The following STK25 variants were observed in gnomAD, a reference collection of about 807,000 sequenced individuals.
STK25 encodes the protein serine/threonine-protein kinase 25.
In STK25, 29 loss-of-function variants were observed where a neutral mutation model predicts 53.8. The ratio of observed to expected loss-of-function variants is 0.54; its 90% CI spans 0.40 to 0.74. The LOEUF (loss-of-function observed/expected upper bound fraction) is 0.74, where lower values mean the gene tolerates loss of function less well. Among genes scored for constraint, STK25 ranks in the 30% least tolerant of loss-of-function variants. STK25 has a pLI of 0.00. For missense variants in STK25, 420 were observed against 568.0 expected (o/e 0.74, Z 2.65); for synonymous variants, 247 against 238.3 (o/e 1.04, Z -0.33).
At position 241,494,393 on chromosome 2, in the gene STK25, C is replaced by A. The variant is rs1191183403; in HGVS notation, c.*1269G>T. On this transcript the variant is annotated 3_prime_UTR_variant, in exon 12 of 12. Coordinates refer to ENST00000316586, the MANE Select transcript of STK25 (RefSeq NM_001271977.2). The surrounding 1 kb of genome is among the most constrained non-coding windows in gnomAD (Gnocchi z 4.9). ...GCCGCTCAAGCCACAGCTCCCAGGCCCCTGGCTCAAAGACGCAGACAAGGC... is the reference window on the plus strand; with the variant it reads ...GCCGCTCAAGCCACAGCTCCCAGGCACCTGGCTCAAAGACGCAGACAAGGC... 1 of 289,094 alleles carries A rather than the reference C, an allele frequency of 3.5e-6. No homozygotes were observed. The highest frequency in any genetic ancestry group is 5.6e-5 in the East Asian group (1 of 17,772). The allele number at this position is 289,094 out of a possible 1,614,324, so 17.9% of individuals were successfully genotyped here.
At chr2:241,500,616 G>C in intron 4 of STK25, 124 bp downstream of exon 4, 1 of 1,046,274 alleles carries the variant, frequency 9.6e-7, no homozygotes, top group Non-Finnish European at 1.4e-6. Flanking sequence ...TGCTTTAGAC[G>C]ATTCCTAATT....
At chr2:241,507,419 G>A (rs1203294894) in intron 2 of STK25, among the ~76,000 whole-genome samples, 3 of 152,210 alleles carry the variant, frequency 2.0e-5, no homozygotes, top group African/African-American at 2.4e-5. Flanking sequence ...TCTCATGTTC[G>A]GGCAACCGCC....
rs370116221 is a variant in STK25, at chr2:241,499,142, G to A, written c.618C>T (p.Ile206=). The A allele has an allele frequency of 5.0e-6, 8 of 1,613,702 alleles. No individual in the cohort carries two copies. The highest frequency in any genetic ancestry group is 4.5e-5 in the East Asian group (2 of 44,844). The change falls in exon 7 of 12, where the codon ATC becomes ATT. Residue 206 remains isoleucine (I), a synonymous_variant. Coordinates refer to ENST00000316586, the MANE Select transcript of STK25 (RefSeq NM_001271977.2). ...TTGGAGGCTCCCCCTTGGCCAGCTC[G>A]ATGGCTGTGATCCCCAGGGACCAGA... is the stretch of plus-strand genomic sequence containing the variant. ...ADIWSLGITA[I]ELAKGEPPNS... is the part of the protein sequence containing the mutation.
At chr2:241,503,046 G>A (rs919985011) in intron 2 of STK25, among the ~76,000 whole-genome samples, 1 of 152,154 alleles carries the variant, frequency 6.6e-6, no homozygotes, top group African/African-American at 2.4e-5. Flanking sequence ...CAGCAGAGGT[G>A]TGTCCTCAAG....
rs35382054 is a variant in STK25 at position 241,494,921 on chromosome 2, G to A, written c.*741C>T. 1 of 152,084 alleles carries A rather than the reference G, an allele frequency of 6.6e-6. No homozygotes were observed. Among genetic ancestry groups the A allele is most frequent in the African/African-American group, 2.4e-5 (1 of 41,390 alleles). 9.4% of individuals were successfully genotyped at this position (152,084 alleles called of 1,614,324 possible). Reference sequence around the variant, plus strand: ...AATCCGTCACAGGGAAGTTTCGAAGGGGGGCTGGGCTGCCGTCTCTGCGTG... The same window carrying A: ...AATCCGTCACAGGGAAGTTTCGAAGAGGGGCTGGGCTGCCGTCTCTGCGTG... On this transcript the variant is annotated 3_prime_UTR_variant, in exon 12 of 12. Coordinates refer to ENST00000316586, the MANE Select transcript of STK25 (RefSeq NM_001271977.2). The surrounding 1 kb of genome is among the most constrained non-coding windows in gnomAD (Gnocchi z 4.9).
At chr2:241,503,696 CAAAAAAAAAAAAA>C (rs60021706) in intron 2 of STK25, among the ~76,000 whole-genome samples, 1 of 100,280 alleles carries the variant, frequency 1.0e-5, no homozygotes, top group Admixed American at 8.5e-5. Flanking sequence ...GACTCCGTCT[CAAAAAAAAAAAAA>C]AAAAAAAAGG....
In STK25 at chr2:241,501,537, TG is replaced by T; in HGVS notation, c.201del (p.Thr68LeufsTer19). On this transcript the variant is annotated frameshift_variant, in exon 3 of 12. Coordinates refer to ENST00000316586, the MANE Select transcript of STK25 (RefSeq NM_001271977.2). LOFTEE classifies it high-confidence loss of function. This position sits in a 1 kb window ranked among gnomAD's most constrained non-coding sequence, Gnocchi z 5.3. ...EDEIEDIQQE[I>X]TVLSQCDSPY... ...GGGCTGTCGCACTGACTGAGGACAG[TG>T]ATCTCCTGCTGGATGTCCTCGATCT... 6.2e-7 allele frequency: 1 copy of T among 1,614,112 alleles called. No homozygotes were observed.
chr2:241,503,478 C>A (rs1403422613), intron 2 of STK25, among the ~76,000 whole-genome samples: 1 of 150,314 alleles, frequency 6.7e-6, no homozygotes, highest in Non-Finnish European at 1.5e-5. Context: ...TTTGGGAGGC[C>A]GAGGCGGGCA....
In STK25 at chr2:241,508,005, C is replaced by G; in HGVS notation, c.30+1G>C. On this transcript the variant is annotated splice_donor_variant, in intron 2 of 11. Coordinates refer to ENST00000316586, the MANE Select transcript of STK25 (RefSeq NM_001271977.2). LOFTEE classifies it high-confidence loss of function. ...GTCTTCCTGACCTGCACCCTTCTCA[C>G]CTGGTTGGCAAATCCCCGGAGGTGA... The G allele has an allele frequency of 6.2e-7, 1 of 1,602,616 alleles. No homozygotes were observed. Among genetic ancestry groups the G allele is most frequent in the Middle Eastern group, 1.7e-4 (1 of 6,014 alleles).
rs769473240 is a variant in STK25, at chr2:241,498,780, G to A, written c.776C>T (p.Pro259Leu). Residue 259 changes from proline to leucine, a missense_variant, in exon 8 of 12, where the codon CCC (proline) becomes CTC (leucine). Coordinates refer to ENST00000316586, the MANE Select transcript of STK25 (RefSeq NM_001271977.2). ...ACLNKDPRFR[P>L]TAKELLKHKF... ...GTGCTTCAGGAGCTCCTTGGCCGTG[G>A]GCCGCTGCAGGGGGTCAGGGGAACA... The A allele has an allele frequency of 6.2e-7, 1 of 1,613,962 alleles. No homozygotes were observed. Among genetic ancestry groups the A allele is most frequent in the African/African-American group, 1.3e-5 (1 of 75,074 alleles).
chr2:241,499,649 C>A, intron 5 of STK25: 1 of 600,794 alleles, frequency 1.7e-6, no homozygotes. Flanking sequence ...CTGCATTTGG[C>A]TTTTACGACA....
chr2:241,497,327 C>A, intron 10 of STK25: 1 of 374,754 alleles, frequency 2.7e-6, no homozygotes, highest in Non-Finnish European at 4.9e-6. Flanking sequence ...GGGGATGGAC[C>A]CCGACTAAAC....
intron 5 of STK25, 131 bp from the exon 6 acceptor site, chr2:241,499,545 C>G: frequency 8.0e-7 from 1 of 1,244,010 alleles, no homozygotes; most frequent in South Asian, 1.6e-5. Flanking sequence ...GGACCTCAGC[C>G]CTCCTTGCCA....
rs1484389768 is a variant in STK25, at chr2:241,499,433, G to A, written c.428-19C>T. 1.6e-5 allele frequency: 26 copies of A among 1,610,450 alleles called. No individual in the cohort carries two copies. Among genetic ancestry groups the A allele is most frequent in the African/African-American group, 2.7e-5 (2 of 74,840 alleles). On this transcript the variant is annotated intron_variant, in intron 5 of 11. Transcript: ENST00000316586. ...TTGGCAGCTGCTTGACACAGGACAG[G>A]CAGGCGTCATCCCAGGCTCCACGTG...
At chr2:241,498,575 C>T in intron 8 of STK25, 64 bp downstream of exon 8, 1 of 1,556,108 alleles carries the variant, frequency 6.4e-7, no homozygotes, top group Non-Finnish European at 8.7e-7. Context: ...GCCCCTGCTT[C>T]TGGAGTGGGG....
chr2:241,499,100 G>A lies in STK25; in HGVS notation c.660C>T (p.Pro220=). Residue 220 remains proline, a synonymous_variant, in exon 7 of 12, where the codon CCC becomes CCT. Coordinates refer to ENST00000316586, the MANE Select transcript of STK25 (RefSeq NM_001271977.2). ...TGGGAATCAGGAACAGGACGCGCAT[G>A]GGGTGGAGGTCAGAGTTTGGAGGCT... is the stretch of plus-strand genomic sequence containing the variant. ...KGEPPNSDLH[P]MRVLFLIPKN... 1.2e-6 allele frequency: 2 copies of A among 1,614,100 alleles called. No homozygotes were observed. The highest frequency in any genetic ancestry group is 1.7e-6 in the Non-Finnish European group (2 of 1,179,988).
At position 241,504,277 on chromosome 2, in the gene STK25, C is replaced by T. The variant is rs35382971; in HGVS notation, c.31-2569G>A. Among the ~76,000 whole-genome samples the T allele has an allele frequency of 5.1e-3, 776 of 152,268 alleles. 12 individuals are homozygous for T. The highest frequency in any genetic ancestry group is 0.017 in the African/African-American group (723 of 41,554). On this transcript the variant is annotated intron_variant, in intron 2 of 11. Transcript: ENST00000316586. ...GGTCTGGCCAGTTGAGACAGCTGGT[C>T]GAGTCAAAAGTGACCTTTCTCATTC...
Position 241,493,797 on chromosome 2 carries a change from A to C in STK25, c.*1865T>G. 1 of 496,464 alleles carries C rather than the reference A, an allele frequency of 2.0e-6. No homozygotes were observed. Among genetic ancestry groups the C allele is most frequent in the South Asian group, 3.5e-5 (1 of 28,458 alleles). 30.8% of individuals were successfully genotyped at this position (496,464 alleles called of 1,614,324 possible). A position where few individuals can be genotyped will look rare whatever the true frequency, so the allele number is the denominator to read the frequency against. On this transcript the variant is annotated 3_prime_UTR_variant, in exon 12 of 12. Transcript: ENST00000316586. ...TTTTTAGTAGAGACAGGGTTTCACC[A>C]TGTTGGCCAGGCTGGTCTCGAACTC...
Position 241,498,337 on chromosome 2 carries a change from C to G in STK25, c.930G>C (p.Ala310=), listed in dbSNP as rs370416984. 2.1e-5 allele frequency: 34 copies of G among 1,592,920 alleles called. 1 individual carries two copies. Among genetic ancestry groups the G allele is most frequent in the Non-Finnish European group, 2.7e-5 (31 of 1,166,682 alleles). The change falls in exon 9 of 12, where the codon GCG becomes GCC. Residue 310 remains alanine (A), a synonymous_variant. Transcript: ENST00000316586. The stretch of plus-strand genomic sequence containing the variant: ...AGATGGGGCCCTGCTCCCCGTCCTC[C>G]GCCTCGCCATCACTGAAGAGGATGA... ...SSEDSDIDGE[A]EDGEQGPIWT... is the part of the protein sequence containing the mutation.
Sources: allele counts gnomAD v4.1 joint callset (sites outside exome capture counted in the v4.1 genomes callset), GRCh38; gene constraint gnomAD v4.1.1; non-coding constraint Gnocchi (gnomAD v3.1); transcripts MANE v1.5; gene names NCBI Gene and HGNC (gene_info 2026-07-23, HGNC 2026-07-21).